Variants in TBC1D5 observed in about 807,000 individuals in gnomAD.
The protein encoded by TBC1D5 is TBC1 domain family, member 5.
In TBC1D5, 75 loss-of-function variants were observed where a neutral mutation model predicts 100.3. The observed-to-expected ratio is 0.75, with a 90% CI of 0.62 to 0.91. The LOEUF (loss-of-function observed/expected upper bound fraction) is 0.91. Among genes scored for constraint, TBC1D5 ranks in the 40% least tolerant of loss-of-function variants. The pLI, the probability that TBC1D5 is intolerant of heterozygous loss-of-function variation, is 0.00. For missense variants in TBC1D5, 910 were observed against 942.4 expected (o/e 0.97, Z 0.45); for synonymous variants, 323 against 325.6 (o/e 0.99, Z 0.09).
At chr3:17,694,230 T>A (rs142817710) in intron 1 of TBC1D5, among the ~76,000 whole-genome samples, 218 of 152,290 alleles carry the variant, frequency 1.4e-3, no homozygotes, top group African/African-American at 5.0e-3. Context: ...GGAATAAAGC[T>A]GTACAGAGAA....
At chr3:17,407,643 T>C (rs1426906209) in intron 4 of TBC1D5, among the ~76,000 whole-genome samples, 1 of 152,084 alleles carries the variant, frequency 6.6e-6, no homozygotes, top group African/African-American at 2.4e-5. Context: ...ATTTCAAAAC[T>C]TGATCATGGG....
At chr3:17,264,249 T>C (rs971754310) in intron 15 of TBC1D5, among the ~76,000 whole-genome samples, 3 of 152,028 alleles carry the variant, frequency 2.0e-5, no homozygotes, top group African/African-American at 7.2e-5. Context: ...GTGGTACATA[T>C]TTTCCTTCTA....
chr3:17,424,775 C>A (rs991205501), intron 4 of TBC1D5, among the ~76,000 whole-genome samples: 2 of 151,914 alleles, frequency 1.3e-5, no homozygotes, highest in African/African-American at 4.8e-5. Flanking sequence ...AAGTAAACAT[C>A]CCAGGTTATT....
chr3:17,182,414 C>T (rs1467752109), intron 19 of TBC1D5, among the ~76,000 whole-genome samples: 1 of 152,192 alleles, frequency 6.6e-6, no homozygotes, highest in African/African-American at 2.4e-5. Context: ...GTGTTTCCCC[C>T]TCCCATGCAA....
intron 1 of TBC1D5, among the ~76,000 whole-genome samples, chr3:17,704,531 G>A (rs2153895873): frequency 3.3e-5 from 3 of 91,892 alleles, no homozygotes; most frequent in Non-Finnish European, 4.4e-5. Context: ...CCCGGACGGG[G>A]CGGCTGGCCG....
chr3:17,483,140 G>A (rs181984378), intron 3 of TBC1D5, among the ~76,000 whole-genome samples: 5 of 151,968 alleles, frequency 3.3e-5, no homozygotes, highest in Admixed American at 2.6e-4. Context: ...CCCGAACTTC[G>A]ACTATTGCCT....
chr3:17,168,399 C>T (rs1396131505), intron 19 of TBC1D5, among the ~76,000 whole-genome samples: 6 of 152,142 alleles, frequency 3.9e-5, no homozygotes, highest in Admixed American at 6.5e-5. Context: ...GAGACTTAGC[C>T]GCCACATGAG....
rs980848971 is a variant in TBC1D5 at position 17,490,532 on chromosome 3, T to A, written c.97+17942A>T. Among the ~76,000 whole-genome samples, 10 of 152,230 alleles carry A rather than the reference T, an allele frequency of 6.6e-5. No homozygotes were observed. The East Asian group carries it at 1.5e-3, about 23-fold the overall frequency. On this transcript the variant is annotated intron_variant, in intron 3 of 21. Transcript: ENST00000253692. Reference sequence around the variant, plus strand: ...TAAGGTGTAAGGAAGGGGTCTAGTTTCAATTTTCTGCAAATGCCTAGCCAG... The same window carrying A: ...TAAGGTGTAAGGAAGGGGTCTAGTTACAATTTTCTGCAAATGCCTAGCCAG...
At chr3:17,234,424 G>T (rs1202728738) in intron 17 of TBC1D5, among the ~76,000 whole-genome samples, 1 of 123,746 alleles carries the variant, frequency 8.1e-6, no homozygotes, top group Admixed American at 8.0e-5. Flanking sequence ...ATAGACAAAG[G>T]AAACAGGAAA....
intron 2 of TBC1D5, among the ~76,000 whole-genome samples, chr3:17,584,167 C>T (rs1357346386): frequency 6.6e-6 from 1 of 152,136 alleles, no homozygotes; most frequent in East Asian, 1.9e-4. Flanking sequence ...GCAGATTGAT[C>T]GATGTCAGAG....
intron 2 of TBC1D5, among the ~76,000 whole-genome samples, chr3:17,605,515 C>T (rs760128196): frequency 1.3e-5 from 2 of 152,220 alleles, no homozygotes; most frequent in Non-Finnish European, 2.9e-5. Flanking sequence ...CAAATTTAAT[C>T]ATCCCACAAA....
At chr3:17,605,252 A>G (rs570195825) in intron 2 of TBC1D5, among the ~76,000 whole-genome samples, 5 of 152,326 alleles carry the variant, frequency 3.3e-5, no homozygotes, top group Admixed American at 2.6e-4. Flanking sequence ...CTAAGCCACA[A>G]TAAGTATTAG....
intron 1 of TBC1D5, among the ~76,000 whole-genome samples, chr3:17,718,113 C>T (rs1373182423): frequency 1.3e-5 from 2 of 152,198 alleles, no homozygotes; most frequent in Non-Finnish European, 2.9e-5. Context: ...AAAGGTCTGA[C>T]TACTCCCCTG....
At chr3:17,246,586 A>T (rs1184136797) in intron 16 of TBC1D5, among the ~76,000 whole-genome samples, 1 of 152,268 alleles carries the variant, frequency 6.6e-6, no homozygotes, top group East Asian at 1.9e-4. Context: ...GAAATGGATC[A>T]CACATATATG....
At chr3:17,431,786 G>A (rs747428708) in intron 3 of TBC1D5, among the ~76,000 whole-genome samples, 2 of 152,002 alleles carry the variant, frequency 1.3e-5, no homozygotes, top group East Asian at 3.8e-4. Context: ...AAGCCAGAAA[G>A]GATAACTGTG....
intron 15 of TBC1D5, among the ~76,000 whole-genome samples, chr3:17,285,194 T>C (rs1237981089): frequency 4.1e-5 from 6 of 146,750 alleles, no homozygotes; most frequent in Non-Finnish European, 1.5e-5. Context: ...GAAAAGTAAA[T>C]AAATGGATAT....
At chr3:17,385,326 G>C (rs1280085796) in intron 8 of TBC1D5, among the ~76,000 whole-genome samples, 1 of 152,046 alleles carries the variant, frequency 6.6e-6, no homozygotes, top group African/African-American at 2.4e-5. Context: ...AGAGAGTAGA[G>C]AGGAAGATGA....
At chr3:17,505,570 A>C (rs186495303) in intron 3 of TBC1D5, among the ~76,000 whole-genome samples, 12 of 152,300 alleles carry the variant, frequency 7.9e-5, no homozygotes, top group Non-Finnish European at 1.8e-4. Context: ...ATGACATTCC[A>C]ATCTCTTATA....
intron 3 of TBC1D5, among the ~76,000 whole-genome samples, chr3:17,466,947 A>C: frequency 2.0e-5 from 3 of 152,158 alleles, no homozygotes; most frequent in Middle Eastern, 6.8e-3. Context: ...TGAAATTTGA[A>C]AGCCCCAATA....
Sources: allele counts gnomAD v4.1 joint callset (sites outside exome capture counted in the v4.1 genomes callset), GRCh38; gene constraint gnomAD v4.1.1; transcripts MANE v1.5; gene names NCBI Gene and HGNC (gene_info 2026-07-23, HGNC 2026-07-21).